DNER: variants seen among roughly 807,000 people sequenced by gnomAD.
DNER encodes delta/notch like EGF repeat containing.
In DNER, 33 loss-of-function variants were observed where a neutral mutation model predicts 78.2. The ratio of observed to expected loss-of-function variants is 0.42; its 90% confidence interval spans 0.32 to 0.56. The LOEUF is 0.56. DNER is among the 20% of genes least tolerant of loss of function. The pLI is 0.11. For synonymous variants in DNER, 417 were observed against 384.8 expected (o/e 1.08, Z -0.98); for missense variants, 918 against 975.3 (o/e 0.94, Z 0.78).
chr2:229,411,422 T>A (rs1693516007), intron 9 of DNER, among the ~76,000 whole-genome samples: 1 of 152,064 alleles, frequency 6.6e-6, no homozygotes, highest in Admixed American at 6.6e-5. Context: ...CCGGGCATGG[T>A]GGCACACACC....
At chr2:229,625,629 A>G (rs1698325540) in intron 1 of DNER, among the ~76,000 whole-genome samples, 1 of 152,252 alleles carries the variant, frequency 6.6e-6, no homozygotes, top group South Asian at 2.1e-4. Context: ...TACAGATTAT[A>G]TAAGTTGGGC....
rs560789164 is a variant in DNER, at chr2:229,418,010, C to A, written c.1609+98G>T. The A allele has an allele frequency of 2.2e-5, 34 of 1,574,872 alleles. No homozygotes were observed. The South Asian group carries it at 3.4e-4, about 16-fold the overall frequency. ...TTCAGCATTTGATTGTTATTCTGAA[C>A]AATTCATGGTCCAATTAGAGGTTTA... On this transcript the variant is annotated intron_variant, in intron 9 of 12. Transcript: ENST00000341772.
At chr2:229,527,367 G>C (rs1396484439) in intron 5 of DNER, among the ~76,000 whole-genome samples, 1 of 152,142 alleles carries the variant, frequency 6.6e-6, no homozygotes, top group African/African-American at 2.4e-5. Flanking sequence ...AGTTGCACCT[G>C]CCTTCTAGAA....
chr2:229,562,612 C>G (rs1229482228), intron 4 of DNER, among the ~76,000 whole-genome samples: 2 of 151,968 alleles, frequency 1.3e-5, no homozygotes, highest in Non-Finnish European at 2.9e-5. Context: ...AATGAGATAC[C>G]AGGCTCCTGT....
intron 7 of DNER, among the ~76,000 whole-genome samples, chr2:229,469,723 A>C (rs1336403480): frequency 6.6e-6 from 1 of 152,202 alleles, no homozygotes; most frequent in Non-Finnish European, 1.5e-5. Context: ...CAGGCGGATC[A>C]CCTGAGGTCA....
chr2:229,611,666 T>C (rs1177747859), intron 1 of DNER, among the ~76,000 whole-genome samples: 1 of 152,198 alleles, frequency 6.6e-6, no homozygotes, highest in Non-Finnish European at 1.5e-5. Context: ...CACTCCAACC[T>C]TGTGAGGTTT....
At chr2:229,468,251 C>T (rs116180791) in intron 7 of DNER, among the ~76,000 whole-genome samples, 2,277 of 152,310 alleles carry the variant, frequency 0.015, 69 homozygotes, top group African/African-American at 0.052. Flanking sequence ...CCCAAAAGGA[C>T]CCCTTTCTTG....
chr2:229,375,638 G>T (rs1379572142), intron 11 of DNER, among the ~76,000 whole-genome samples: 1 of 152,190 alleles, frequency 6.6e-6, no homozygotes, highest in East Asian at 1.9e-4. Flanking sequence ...ATAATGAAAT[G>T]CTCATGAAAA....
intron 7 of DNER, among the ~76,000 whole-genome samples, chr2:229,457,252 G>A (rs1396063097): frequency 6.6e-6 from 1 of 152,012 alleles, no homozygotes; most frequent in African/African-American, 2.4e-5. Flanking sequence ...AGAAATGGCA[G>A]TCTGGGGGAG....
Position 229,415,465 on chromosome 2 carries a change from G to A in DNER, c.1609+2643C>T, listed in dbSNP as rs141821158. Among the ~76,000 whole-genome samples the A allele has an allele frequency of 6.2e-4, 95 of 152,270 alleles. 1 individual carries two copies. The highest frequency in any genetic ancestry group is 2.2e-3 in the African/African-American group (92 of 41,572). ...AGCATGTTGTTTAAGCCAGTACCGG[G>A]TACTGATTTGTTATGCAGCAATAGA... On this transcript the variant is annotated intron_variant, in intron 9 of 12. Coordinates refer to ENST00000341772, the MANE Select transcript of DNER (RefSeq NM_139072.4).
At chr2:229,697,670 T>C (rs1699682699) in intron 1 of DNER, among the ~76,000 whole-genome samples, 1 of 152,176 alleles carries the variant, frequency 6.6e-6, no homozygotes, top group Non-Finnish European at 1.5e-5. Flanking sequence ...TAATGGACTG[T>C]GGTCAGAGGC....
chr2:229,436,004 A>G (rs1227359329), intron 8 of DNER, among the ~76,000 whole-genome samples: 1 of 152,234 alleles, frequency 6.6e-6, no homozygotes, highest in East Asian at 1.9e-4. Context: ...GGTTTTTCAT[A>G]TAAGTAAATT....
intron 4 of DNER, among the ~76,000 whole-genome samples, chr2:229,564,530 CCATCAT>C (rs202150868): frequency 7.0e-6 from 1 of 142,498 alleles, no homozygotes; most frequent in African/African-American, 2.7e-5. Context: ...TACCCCATCA[CCATCAT>C]CATCATCATC....
chr2:229,659,119 A>T (rs1243413356), intron 1 of DNER, among the ~76,000 whole-genome samples: 1 of 152,200 alleles, frequency 6.6e-6, no homozygotes. Context: ...GGTACCCGGC[A>T]GTTTCATATC....
intron 1 of DNER, among the ~76,000 whole-genome samples, chr2:229,698,841 T>C (rs1279130889): frequency 1.3e-5 from 2 of 152,226 alleles, no homozygotes; most frequent in East Asian, 1.9e-4. Flanking sequence ...TCTCTCATTA[T>C]GAGGCTTTTC....
In DNER at chr2:229,697,223, T is replaced by C. The variant is rs553991086; in HGVS notation, c.276+16925A>G. 6.6e-5 allele frequency among the ~76,000 whole-genome samples: 10 copies of C among 152,334 alleles called. No individual in the cohort carries two copies. In the East Asian group the frequency reaches 1.9e-3, roughly 29 times the overall value. Reference sequence around the variant, plus strand: ...ACGTGGATGAATCTCAAAAACATTATACTAAGTGAAAGATGCCAGACACAA... The same window carrying C: ...ACGTGGATGAATCTCAAAAACATTACACTAAGTGAAAGATGCCAGACACAA... On this transcript the variant is annotated intron_variant, in intron 1 of 12. Coordinates refer to ENST00000341772, the MANE Select transcript of DNER (RefSeq NM_139072.4).
intron 8 of DNER, among the ~76,000 whole-genome samples, chr2:229,429,019 A>G (rs1322604255): frequency 6.6e-6 from 1 of 152,208 alleles, no homozygotes; most frequent in African/African-American, 2.4e-5. Context: ...CTGGGCAGAC[A>G]GCAAGGTCGC....
intron 1 of DNER, among the ~76,000 whole-genome samples, chr2:229,607,764 T>C (rs2154215074): frequency 6.6e-6 from 1 of 152,218 alleles, no homozygotes; most frequent in African/African-American, 2.4e-5. Context: ...AGCTCACACC[T>C]GTAATCCCAG....
chr2:229,611,530 C>A (rs1247900597), intron 1 of DNER, among the ~76,000 whole-genome samples: 1 of 152,136 alleles, frequency 6.6e-6, no homozygotes, highest in African/African-American at 2.4e-5. Flanking sequence ...CTAAAAGAAC[C>A]AAATAGCTGG....
Sources: gnomAD v4.1 joint callset for allele counts (sites outside exome capture counted in the v4.1 genomes callset) on GRCh38, gnomAD v4.1.1 for gene constraint, MANE v1.5 for transcripts, NCBI Gene and HGNC (gene_info 2026-07-23, HGNC 2026-07-21) for gene names.